LBR: variants seen among roughly 807,000 people sequenced by gnomAD.
LBR encodes the protein delta(14)-sterol reductase LBR.
Under a neutral mutation model 74.3 loss-of-function variants are expected in LBR, and 28 were observed. That is an observed-to-expected ratio of 0.38 (90% CI 0.28 to 0.52). The LOEUF (loss-of-function observed/expected upper bound fraction) is 0.52, where lower values mean the gene tolerates loss of function less well. Among genes scored for constraint, LBR ranks in the 20% least tolerant of loss-of-function variants. The pLI is 0.89. For missense variants in LBR, 717 were observed against 760.3 expected, an observed-to-expected ratio of 0.94 and a Z score of 0.67; for synonymous variants, 228 against 269.3, an observed-to-expected ratio of 0.85 and a Z score of 1.50.
intron 6 of LBR, among the ~76,000 whole-genome samples, chr1:225,416,873 G>GT (rs1333737343): frequency 1.3e-5 from 2 of 152,264 alleles, no homozygotes; most frequent in East Asian, 3.9e-4. Context: ...GATGCACACA[G>GT]GTTATATGCA....
At chr1:225,414,862 T>C (rs1032580096) in intron 7 of LBR, among the ~76,000 whole-genome samples, 1 of 152,016 alleles carries the variant, frequency 6.6e-6, no homozygotes, top group Non-Finnish European at 1.5e-5. Context: ...TGTCAGACGT[T>C]TGGGGGTAAG....
chr1:225,416,766 G>T (rs1023732163), intron 6 of LBR, among the ~76,000 whole-genome samples: 1 of 152,052 alleles, frequency 6.6e-6, no homozygotes, highest in Non-Finnish European at 1.5e-5. Flanking sequence ...TCTTTTTCTT[G>T]TCCTTATTCC....
chr1:225,410,305 C>T lies in LBR; in HGVS notation c.1300G>A (p.Ala434Thr), dbSNP rs141750416. 1.9e-6 allele frequency: 3 copies of T among 1,614,140 alleles called. No homozygotes were observed. Among genetic ancestry groups the T allele is most frequent in the Admixed American group, 3.3e-5 (2 of 60,020 alleles). ...AAATTAATTACCTCATTCCAGAGAG[C>T]ATCCACCACATAGAGAAGCTGGAAA... ...NSFQLLYVVD[A>T]LWNEEALLTT... The change falls in exon 10 of 14, where the codon GCT (alanine) becomes ACT (threonine). Residue 434 changes from alanine (A) to threonine (T), a missense_variant. Transcript: ENST00000272163.
chr1:225,412,309 G>T, intron 8 of LBR, 145 bp downstream of exon 8: 1 of 737,922 alleles, frequency 1.4e-6, no homozygotes, highest in Admixed American at 2.5e-5. Flanking sequence ...TCTCTTTAAC[G>T]TTTTTCTTCA....
intron 6 of LBR, chr1:225,417,739 A>G: frequency 2.6e-6 from 1 of 380,788 alleles, no homozygotes; most frequent in Non-Finnish European, 4.8e-6. Context: ...CCTCCTAATA[A>G]GCAAGTGTTA....
upstream of LBR, among the ~76,000 whole-genome samples, chr1:225,428,223 G>A (rs1328215489): frequency 6.6e-6 from 1 of 152,042 alleles, no homozygotes; most frequent in Non-Finnish European, 1.5e-5. Flanking sequence ...GCGCCGTGGC[G>A]CGTCCGCCCC....
rs2230422 is a variant in LBR, at chr1:225,412,639, T to C, written c.899A>G (p.Tyr300Cys). ...GACTGCAGATGTCAGGATAAAAGCATAGAATCCTTTAAAAAAAAAAAAAAA... is the reference window on the plus strand; with the variant it reads ...GACTGCAGATGTCAGGATAAAAGCACAGAATCCTTTAAAAAAAAAAAAAAA... ...RRLKYRLNGFYAFILTSAVIG... is the reference protein window; with the variant it reads ...RRLKYRLNGFCAFILTSAVIG... The change falls in exon 8 of 14, where the codon TAT becomes TGT. Residue 300 changes from tyrosine to cysteine, a missense_variant. Tyr to Cys is a radical substitution (Grantham distance 194). Transcript: ENST00000272163. 3.4e-4 allele frequency: 533 copies of C among 1,568,562 alleles called. 1 individual carries two copies. The Middle Eastern group carries it at 4.4e-3, about 13-fold the overall frequency.
At chr1:225,415,401 C>CACAT in intron 6 of LBR, 69 bp from the exon 7 acceptor site, 8 of 755,230 alleles carry the variant, frequency 1.1e-5, no homozygotes, top group Non-Finnish European at 1.1e-5. Flanking sequence ...TACACACACA[C>CACAT]ATATATATAT....
intron 6 of LBR, 179 bp downstream of exon 6, chr1:225,417,802 CCAA>C (rs1221277001): frequency 8.3e-6 from 5 of 601,990 alleles, no homozygotes; most frequent in Non-Finnish European, 1.5e-5. Flanking sequence ...GGAATTATGA[CCAA>C]CAACAGCCTT....
At chr1:225,427,588 T>C (rs2096142423) in intron 1 of LBR, 1 of 152,106 alleles carries the variant, frequency 6.6e-6, no homozygotes, top group African/African-American at 2.4e-5. Context: ...GGAGCCAGGC[T>C]GCGGTGGGGC....
At position 225,409,253 on chromosome 1, in the gene LBR, G is replaced by A. The variant is rs1021394324; in HGVS notation, c.1314+1038C>T. Among the ~76,000 whole-genome samples the A allele has an allele frequency of 5.3e-5, 8 of 152,160 alleles. No homozygotes were observed. The East Asian group carries it at 9.6e-4, about 18-fold the overall frequency. ...AGCGCAACAGGAACCCGTAATTAGC[G>A]GATAGCACTAATCCCACCGCTTGTA... On this transcript the variant is annotated intron_variant, in intron 10 of 13. Transcript: ENST00000272163.
At chr1:225,421,457 C>T (rs183671575) in intron 3 of LBR, among the ~76,000 whole-genome samples, 48 of 152,360 alleles carry the variant, frequency 3.2e-4, no homozygotes, top group Admixed American at 7.8e-4. Context: ...TGCGCCACTG[C>T]GCTCCAGCCT....
chr1:225,404,532 T>C lies in LBR; in HGVS notation c.1565-6A>G. 6.3e-7 allele frequency: 1 copy of C among 1,594,934 alleles called. No homozygotes were observed. The highest frequency in any genetic ancestry group is 8.6e-7 in the Non-Finnish European group (1 of 1,169,100). On this transcript the variant is annotated splice_polypyrimidine_tract_variant and splice_region_variant and intron_variant, in intron 12 of 13. Transcript: ENST00000272163. The stretch of plus-strand genomic sequence containing the variant: ...AGTATGAATGGTTTTTAAATCTATA[T>C]AAAAATAAAAGTACATTTTTAATGA...
Position 225,428,011 on chromosome 1 carries a change from C to G in LBR, c.-72G>C, listed in dbSNP as rs573759976. ...TCCCGGAGAATAGTCGCACAGCAACCCGGCGGCAGATCCACGCGCGCGACG... is the reference window on the plus strand; with the variant it reads ...TCCCGGAGAATAGTCGCACAGCAACGCGGCGGCAGATCCACGCGCGCGACG... On this transcript the variant is annotated 5_prime_UTR_variant, in exon 1 of 14. Coordinates refer to ENST00000272163, the MANE Select transcript of LBR (RefSeq NM_002296.4). 1 of 152,212 alleles carries G rather than the reference C, an allele frequency of 6.6e-6. No individual in the cohort carries two copies. The highest frequency in any genetic ancestry group is 1.9e-4 in the East Asian group (1 of 5,166). 9.4% of individuals were successfully genotyped at this position (152,212 alleles called of 1,614,324 possible). A position where few individuals can be genotyped will look rare whatever the true frequency, so the allele number is the denominator to read the frequency against.
intron 8 of LBR, 141 bp from the exon 9 acceptor site, chr1:225,411,581 C>T: frequency 1.4e-6 from 1 of 716,392 alleles, no homozygotes; most frequent in Non-Finnish European, 2.6e-6. Flanking sequence ...GAGAGGCAGA[C>T]AGGACGGCAC....
chr1:225,418,000 A>G lies in LBR; in HGVS notation c.821T>C (p.Leu274Pro). The change falls in exon 6 of 14, where the codon CTA becomes CCA. Residue 274 changes from leucine to proline, a missense_variant. Transcript: ENST00000272163. ...TAAACGTACCTTTCCAATTGGCAGTAGGTAGAACAGGACTTGAATCAAAAA... is the reference window on the plus strand; with the variant it reads ...TAAACGTACCTTTCCAATTGGCAGTGGGTAGAACAGGACTTGAATCAAAAA... ...LWFLIQVLFY[L>P]LPIGKVVEGT... is the part of the protein sequence containing the mutation. 1 of 1,614,116 alleles carries G rather than the reference A, an allele frequency of 6.2e-7. No homozygotes were observed. Among genetic ancestry groups the G allele is most frequent in the Non-Finnish European group, 8.5e-7 (1 of 1,179,922 alleles).
chr1:225,405,613 C>T (rs1047549367), intron 11 of LBR, among the ~76,000 whole-genome samples: 1 of 152,186 alleles, frequency 6.6e-6, no homozygotes, highest in African/African-American at 2.4e-5. Context: ...TGGGATGCTG[C>T]AGCAGAAGGG....
chr1:225,406,852 G>A lies in LBR; in HGVS notation c.1315-20C>T. On this transcript the variant is annotated intron_variant, in intron 10 of 13. Transcript: ENST00000272163. ...CGCTTCCTATAAGGATACAGACGGG[G>A]AAAGGGAGAAGGAGCTTCTGTGTTT... 6.2e-7 allele frequency: 1 copy of A among 1,611,990 alleles called. No individual in the cohort carries two copies. Among genetic ancestry groups the A allele is most frequent in the Non-Finnish European group, 8.5e-7 (1 of 1,178,088 alleles).
intron 10 of LBR, among the ~76,000 whole-genome samples, chr1:225,408,318 T>C (rs754309628): frequency 1.9e-4 from 29 of 152,210 alleles, no homozygotes; most frequent in Non-Finnish European, 3.7e-4. Flanking sequence ...GAGTGTCTTA[T>C]TCTTCTCTCT....
Sources: gnomAD v4.1 joint callset for allele counts (sites outside exome capture counted in the v4.1 genomes callset) on GRCh38, gnomAD v4.1.1 for gene constraint, MANE v1.5 for transcripts, NCBI Gene and HGNC (gene_info 2026-07-23, HGNC 2026-07-21) for gene names.